PLXNA2: variants seen among roughly 807,000 people sequenced by gnomAD.
The protein encoded by PLXNA2 is plexin A2.
Under a neutral mutation model 193.5 loss-of-function variants are expected in PLXNA2, and 91 were observed. The ratio of observed to expected loss-of-function variants is 0.47; its 90% CI spans 0.40 to 0.56. The LOEUF (loss-of-function observed/expected upper bound fraction) is 0.56. PLXNA2 is among the 20% of genes least tolerant of loss of function. The pLI, the probability that PLXNA2 is intolerant of heterozygous loss-of-function variation, is 0.00. For missense variants in PLXNA2, 1,995 were observed against 2,503.2 expected (o/e 0.80, Z 4.33); for synonymous variants, 997 against 1,027.3 (o/e 0.97, Z 0.56).
At chr1:208,182,608 TCTC>T (rs1572006087) in intron 3 of PLXNA2, among the ~76,000 whole-genome samples, 1 of 151,928 alleles carries the variant, frequency 6.6e-6, no homozygotes, top group East Asian at 2.0e-4. Context: ...TATGAGGCCG[TCTC>T]CTCATTTTGC....
At chr1:208,116,563 T>A (rs760393602) in intron 4 of PLXNA2, among the ~76,000 whole-genome samples, 2 of 152,204 alleles carry the variant, frequency 1.3e-5, no homozygotes, top group Non-Finnish European at 2.9e-5. Context: ...AGTCAATGTT[T>A]ACAACACAGC....
At chr1:208,080,672 G>A (rs1358401263) in intron 11 of PLXNA2, among the ~76,000 whole-genome samples, 2 of 152,076 alleles carry the variant, frequency 1.3e-5, no homozygotes, top group South Asian at 2.1e-4. Flanking sequence ...CATGCTTATC[G>A]CTTTGTAAGG....
At position 208,041,931 on chromosome 1, in the gene PLXNA2, A is replaced by G. The variant is rs1182615092; in HGVS notation, c.4286+167T>C. Among the ~76,000 whole-genome samples, 3 of 152,198 alleles carry G rather than the reference A, an allele frequency of 2.0e-5. 1 individual carries two copies. The highest frequency in any genetic ancestry group is 6.5e-5 in the Admixed American group (1 of 15,288). On this transcript the variant is annotated intron_variant, in intron 22 of 31. Transcript: ENST00000367033. The stretch of plus-strand genomic sequence containing the variant: ...CTCTGTAGTCTCCCTGGGCTGAGGG[A>G]AAGTCAGATTCTGCCCTGCAGAGAC...
rs570509541 is a variant in PLXNA2, at chr1:208,031,693, C to T, written c.5122G>A (p.Ala1708Thr). ...TLFSTVHRGS[A>T]LPLAIKYMFD... ...ATGTACTTGATGGCCAGGGGGAGAG[C>T]GCTGCCCCGGTGCACAGTGCTGAAC... is the stretch of plus-strand genomic sequence containing the variant. The change falls in exon 29 of 32, where the codon GCT (alanine) becomes ACT (threonine). Residue 1708 changes from alanine (A) to threonine (T), a missense_variant. Coordinates refer to ENST00000367033, the MANE Select transcript of PLXNA2 (RefSeq NM_025179.4). The T allele has an allele frequency of 3.7e-5, 60 of 1,613,476 alleles. No homozygotes were observed. Among genetic ancestry groups the T allele is most frequent in the Middle Eastern group, 3.3e-4 (2 of 6,062 alleles).
At chr1:208,078,673 A>G (rs568931976) in intron 12 of PLXNA2, among the ~76,000 whole-genome samples, 48 of 152,352 alleles carry the variant, frequency 3.2e-4, no homozygotes, top group African/African-American at 1.1e-3. Flanking sequence ...TTGCATTTTC[A>G]TCCACATCAT....
chr1:208,044,902 T>G lies in PLXNA2; in HGVS notation c.3640-160A>C, dbSNP rs1453486885. 6.6e-6 allele frequency among the ~76,000 whole-genome samples: 1 copy of G among 152,192 alleles called. No homozygotes were observed. Among genetic ancestry groups the G allele is most frequent in the Non-Finnish European group, 1.5e-5 (1 of 68,032 alleles). The stretch of plus-strand genomic sequence containing the variant: ...TTCCTGCCTCGGCATCTGCCTTTCT[T>G]TTCTTGTGTTCTCAGCTTATACCCA... On this transcript the variant is annotated intron_variant, in intron 19 of 31. Coordinates refer to ENST00000367033, the MANE Select transcript of PLXNA2 (RefSeq NM_025179.4). The surrounding 1 kb of genome is among the most constrained non-coding windows in gnomAD (Gnocchi z 4.9).
chr1:208,106,396 AC>A (rs1667272514), intron 4 of PLXNA2, among the ~76,000 whole-genome samples: 1 of 152,166 alleles, frequency 6.6e-6, no homozygotes, highest in South Asian at 2.1e-4. Context: ...CACAACTAGC[AC>A]CTTCAAGTTG....
chr1:208,056,879 G>T (rs1271644966), intron 13 of PLXNA2, among the ~76,000 whole-genome samples: 1 of 152,160 alleles, frequency 6.6e-6, no homozygotes, highest in Non-Finnish European at 1.5e-5. Context: ...TCTAAGAACT[G>T]GAGAGTCCTA....
intron 9 of PLXNA2, among the ~76,000 whole-genome samples, chr1:208,089,108 C>G (rs1045397743): frequency 2.0e-5 from 3 of 152,170 alleles, no homozygotes; most frequent in African/African-American, 7.2e-5. Flanking sequence ...TCTTCATTGT[C>G]AAGCCTAAGC....
intron 11 of PLXNA2, among the ~76,000 whole-genome samples, chr1:208,079,850 A>G (rs1166254849): frequency 6.6e-6 from 1 of 152,148 alleles, no homozygotes; most frequent in Non-Finnish European, 1.5e-5. Flanking sequence ...AGTGCCTGTA[A>G]CATATCTGAT....
intron 3 of PLXNA2, among the ~76,000 whole-genome samples, chr1:208,191,034 T>C (rs1670161559): frequency 6.6e-6 from 1 of 152,202 alleles, no homozygotes; most frequent in Non-Finnish European, 1.5e-5. Flanking sequence ...ATGAGCTAAG[T>C]GAGGCTAAAG....
Position 208,216,842 on chromosome 1 carries a change from G to A in PLXNA2, c.1081C>T (p.Arg361Trp), listed in dbSNP as rs202043088. 52 of 1,614,056 alleles carry A rather than the reference G, an allele frequency of 3.2e-5. No homozygotes were observed. The highest frequency in any genetic ancestry group is 1.7e-4 in the Admixed American group (10 of 60,012). ...DDSALCAFPI[R>W]AINLQIKERL... The stretch of plus-strand genomic sequence containing the variant: ...TCCTTGATCTGCAAGTTGATGGCCC[G>A]GATAGGGAAGGCACACAGGGCAGAG... Residue 361 changes from arginine (R) to tryptophan (W), a missense_variant, in exon 2 of 32, where the codon CGG becomes TGG. Around this residue, in one of 3 missense-constraint regions of PLXNA2, gnomAD observed 702 missense variants for 812.9 expected, o/e 0.86. Transcript: ENST00000367033.
chr1:208,034,454 T>C lies in PLXNA2; in HGVS notation c.4864+39A>G, dbSNP rs376709662. On this transcript the variant is annotated intron_variant, in intron 27 of 31. Coordinates refer to ENST00000367033, the MANE Select transcript of PLXNA2 (RefSeq NM_025179.4). ...TGGGCCCTGCTAGGTCTCAGAAGAC[T>C]CTGCTCTGAGCTGCCCAGTCTGCCC... 1.3e-4 allele frequency: 171 copies of C among 1,344,354 alleles called. No homozygotes were observed. In the African/African-American group the frequency reaches 2.0e-3, roughly 16 times the overall value. The allele number at this position is 1,344,354 out of a possible 1,614,324, so 83.3% of individuals were successfully genotyped here.
At chr1:208,129,758 C>G (rs533855787) in intron 4 of PLXNA2, among the ~76,000 whole-genome samples, 2 of 152,306 alleles carry the variant, frequency 1.3e-5, no homozygotes, top group African/African-American at 4.8e-5. Flanking sequence ...TGTATTGTAA[C>G]TCACTACTTA....
intron 4 of PLXNA2, among the ~76,000 whole-genome samples, chr1:208,113,111 G>C (rs1261601142): frequency 6.6e-6 from 1 of 151,974 alleles, no homozygotes; most frequent in Non-Finnish European, 1.5e-5. Context: ...TGGGGGATGA[G>C]GAGGCTTTGG....
chr1:208,204,508 C>T (rs1416109210), intron 3 of PLXNA2, among the ~76,000 whole-genome samples: 2 of 152,230 alleles, frequency 1.3e-5, no homozygotes, highest in Non-Finnish European at 2.9e-5. Context: ...CTCCTCATGC[C>T]ACTGCCACGC....
rs772055752 is a variant in PLXNA2, at chr1:208,079,280, A to G, written c.2566T>C (p.Ser856Pro). The G allele has an allele frequency of 2.5e-6, 4 of 1,609,674 alleles. No individual in the cohort carries two copies. The highest frequency in any genetic ancestry group is 1.7e-5 in the Admixed American group (1 of 59,944). The change falls in exon 12 of 32, where the codon TCC (serine) becomes CCC (proline). Residue 856 changes from serine to proline, a missense_variant. Physicochemically the swap from Ser to Pro is moderately conservative, Grantham distance 74. Transcript: ENST00000367033. Reference protein sequence around the residue: ...LDWSSHNVKCSNPQITEILTV... With the variant: ...LDWSSHNVKCPNPQITEILTV... ...CTTACCTCGGTGATTTGAGGGTTGG[A>G]GCACTTGACATTGTGGCTGGACCAG...
rs1412443110 is a variant in PLXNA2, at chr1:208,210,003, TTG to T, written c.1371+275_1371+276del. On this transcript the variant is annotated intron_variant, in intron 3 of 31. Coordinates refer to ENST00000367033, the MANE Select transcript of PLXNA2 (RefSeq NM_025179.4). ...GAGCAATTTTTTTTTTTTTTTTTTT[TTG>T]CTTTTGCAGATGTACCTTCTTAAAG... The T allele has an allele frequency of 1.2e-4, 22 of 181,424 alleles. 1 individual carries two copies. Among genetic ancestry groups the T allele is most frequent in the South Asian group, 5.8e-4 (4 of 6,942 alleles). 11.2% of individuals were successfully genotyped at this position (181,424 alleles called of 1,614,324 possible).
rs12029683 is a variant in PLXNA2, at chr1:208,096,762, G to T, written c.1853C>A (p.Pro618His). The part of the protein sequence containing the change: ...GSQVICISPG[P>H]KDVPVIPLDQ... ...CAGCGGGATGACAGGGACATCCTTG[G>T]GCCCAGGTGAGATGCAGATGACCTG... The change falls in exon 7 of 32, where the codon CCC (proline) becomes CAC (histidine). Residue 618 changes from proline to histidine, a missense_variant. Physicochemically the swap from Pro to His is moderately conservative, Grantham distance 77. Transcript: ENST00000367033. 1.6e-4 allele frequency: 251 copies of T among 1,614,022 alleles called. No homozygotes were observed. The East Asian group carries it at 4.8e-3, about 31-fold the overall frequency.
Sources: gnomAD v4.1 joint callset for allele counts (sites outside exome capture counted in the v4.1 genomes callset) on GRCh38, gnomAD v4.1.1 for gene constraint, gnomAD v4.1.1 regional missense constraint, Gnocchi (gnomAD v3.1) non-coding constraint, MANE v1.5 for transcripts, NCBI Gene and HGNC (gene_info 2026-07-23, HGNC 2026-07-21) for gene names.